TTC29: variants seen among roughly 807,000 people sequenced by gnomAD.
The protein encoded by TTC29 is tetratricopeptide repeat domain 29.
TTC29 carries 49 observed loss-of-function variants against 58.1 expected under a neutral mutation model. That is an observed-to-expected ratio of 0.84 (90% confidence interval 0.67 to 1.07). The LOEUF is 1.07. TTC29 is among the 50% of genes least tolerant of loss of function. The pLI, the probability that TTC29 is intolerant of heterozygous loss-of-function variation, is 0.00. For missense variants in TTC29, 582 were observed against 555.6 expected, an observed-to-expected ratio of 1.05 and a Z score of -0.48; for synonymous variants, 209 against 196.8, an observed-to-expected ratio of 1.06 and a Z score of -0.52.
intron 11 of TTC29, among the ~76,000 whole-genome samples, chr4:146,721,622 T>C (rs1186441652): frequency 1.3e-5 from 2 of 152,150 alleles, no homozygotes; most frequent in Non-Finnish European, 2.9e-5. Flanking sequence ...CCGTTAGATG[T>C]CTACTGAAAG....
intron 8 of TTC29, among the ~76,000 whole-genome samples, chr4:146,864,412 AAAAT>A (rs1178201589): frequency 1.3e-5 from 2 of 152,218 alleles, no homozygotes; most frequent in African/African-American, 4.8e-5. Context: ...AAAAAATAAA[AAAAT>A]AATAATTATT....
Position 146,820,122 on chromosome 4 carries a change from C to T in TTC29, c.1101+3G>A. ...TCTATAAACAAGAAACACATAGACT[C>T]ACTTTTTCATTGTAGATGTCCCCAA... On this transcript the variant is annotated splice_donor_region_variant and intron_variant, in intron 10 of 12. Coordinates refer to ENST00000325106, the MANE Select transcript of TTC29 (RefSeq NM_031956.4). The T allele has an allele frequency of 6.2e-7, 1 of 1,612,458 alleles. No individual in the cohort carries two copies. The highest frequency in any genetic ancestry group is 8.5e-7 in the Non-Finnish European group (1 of 1,179,724).
At chr4:146,822,197 C>G (rs546142893) in intron 9 of TTC29, among the ~76,000 whole-genome samples, 128 of 150,826 alleles carry the variant, frequency 8.5e-4, no homozygotes, top group African/African-American at 3.1e-3. Context: ...TGGTGGTTTG[C>G]TGCACCTATT....
At chr4:146,823,292 G>A (rs1002828005) in intron 9 of TTC29, among the ~76,000 whole-genome samples, 4 of 152,174 alleles carry the variant, frequency 2.6e-5, no homozygotes, top group Admixed American at 2.6e-4. Context: ...AAGGTGTAAG[G>A]AAGGGGTCAA....
chr4:146,903,303 G>C (rs981907949), intron 6 of TTC29, among the ~76,000 whole-genome samples: 5 of 152,046 alleles, frequency 3.3e-5, no homozygotes, highest in African/African-American at 1.2e-4. Context: ...ATGTTACCGG[G>C]TGGGAACTGT....
chr4:146,728,838 CATAT>C lies in TTC29; in HGVS notation c.1331-21291_1331-21288del, dbSNP rs1466068204. Among the ~76,000 whole-genome samples the C allele has an allele frequency of 6.7e-5, 6 of 89,218 alleles. 1 individual carries two copies. Among genetic ancestry groups the C allele is most frequent in the African/African-American group, 2.5e-4 (6 of 23,874 alleles). The allele number at this position is 89,218 out of a possible 152,430, so 58.5% of individuals were successfully genotyped here. Reference sequence around the variant, plus strand: ...ATGTGTATATATACATATATATACACATATATATGTATATATATACACATATATA... The same window carrying C: ...ATGTGTATATATACATATATATACACATATGTATATATATACACATATATA... On this transcript the variant is annotated intron_variant, in intron 11 of 12. Transcript: ENST00000325106.
intron 11 of TTC29, among the ~76,000 whole-genome samples, chr4:146,722,885 A>G (rs533755659): frequency 5.3e-5 from 8 of 152,164 alleles, no homozygotes; most frequent in South Asian, 2.1e-4. Flanking sequence ...TTTAGTAGAG[A>G]CAAGGTTTTG....
At chr4:146,922,140 TGAAA>T (rs1482246923) in intron 4 of TTC29, among the ~76,000 whole-genome samples, 2 of 151,056 alleles carry the variant, frequency 1.3e-5, no homozygotes, top group Non-Finnish European at 3.0e-5. Context: ...TATTTAGAAT[TGAAA>T]GAAAGAAGAA....
rs1732738063 is a variant in TTC29, at chr4:146,895,934, T to A, written c.586+7610A>T. ...TATTTATAAAAGTTTCTCAAAAAATTTATTTTTAAAATAAGATAGAGAAGT... is the reference window on the plus strand; with the variant it reads ...TATTTATAAAAGTTTCTCAAAAAATATATTTTTAAAATAAGATAGAGAAGT... On this transcript the variant is annotated intron_variant, in intron 6 of 12. Transcript: ENST00000325106. Among the ~76,000 whole-genome samples the A allele has an allele frequency of 2.6e-5, 4 of 152,232 alleles. 1 individual carries two copies. In the South Asian group the frequency reaches 8.3e-4, roughly 32 times the overall value.
At chr4:146,794,331 C>T (rs936583624) in intron 11 of TTC29, among the ~76,000 whole-genome samples, 1 of 152,052 alleles carries the variant, frequency 6.6e-6, no homozygotes, top group Admixed American at 6.6e-5. Flanking sequence ...TTCTTTTGCT[C>T]ACATTGTATT....
chr4:146,797,984 A>C (rs1272555789), intron 11 of TTC29, among the ~76,000 whole-genome samples: 5 of 151,528 alleles, frequency 3.3e-5, no homozygotes, highest in African/African-American at 1.2e-4. Context: ...ATTTTTTCAC[A>C]GTATTTCATT....
At chr4:146,912,599 CA>C (rs1733968207) in intron 4 of TTC29, among the ~76,000 whole-genome samples, 2 of 152,034 alleles carry the variant, frequency 1.3e-5, no homozygotes, top group Non-Finnish European at 2.9e-5. Context: ...TGGATTTTTA[CA>C]CTAGGGAGGA....
At chr4:146,709,648 A>G (rs1027723422) in intron 11 of TTC29, among the ~76,000 whole-genome samples, 1 of 152,114 alleles carries the variant, frequency 6.6e-6, no homozygotes, top group Non-Finnish European at 1.5e-5. Flanking sequence ...AACATTAAGT[A>G]GACCCTTACA....
rs754701031 is a variant in TTC29 at position 146,820,266 on chromosome 4, G to A, written c.978-18C>T. ...CTCCTTGGCTAGAATGAATGAAATA[G>A]GAAGTCAATGGAGTATCATCTCACT... On this transcript the variant is annotated intron_variant, in intron 9 of 12. Transcript: ENST00000325106. 6.2e-7 allele frequency: 1 copy of A among 1,605,834 alleles called. No homozygotes were observed. The highest frequency in any genetic ancestry group is 1.1e-5 in the South Asian group (1 of 90,510).
intron 11 of TTC29, among the ~76,000 whole-genome samples, chr4:146,793,722 T>C (rs188853897): frequency 9.6e-4 from 146 of 152,264 alleles, no homozygotes; most frequent in African/African-American, 3.3e-3. Context: ...AGGTTGGTTT[T>C]CATCTACTTA....
intron 11 of TTC29, among the ~76,000 whole-genome samples, chr4:146,754,329 A>G (rs867244251): frequency 4.5e-4 from 69 of 152,176 alleles, no homozygotes; most frequent in Middle Eastern, 3.4e-3. Context: ...CTTTTAAACA[A>G]ATAAAAGCCC....
chr4:146,743,231 C>T (rs908679821), intron 11 of TTC29, among the ~76,000 whole-genome samples: 1 of 152,024 alleles, frequency 6.6e-6, no homozygotes, highest in African/African-American at 2.4e-5. Flanking sequence ...GAATGCAATA[C>T]ATAATTAATT....
chr4:146,831,368 G>C (rs923581531), intron 9 of TTC29, among the ~76,000 whole-genome samples: 2 of 152,002 alleles, frequency 1.3e-5, no homozygotes, highest in Non-Finnish European at 2.9e-5. Flanking sequence ...CAAAGTGCTG[G>C]GATAACAAGT....
intron 11 of TTC29, among the ~76,000 whole-genome samples, chr4:146,735,777 T>A (rs1459010055): frequency 6.6e-6 from 1 of 152,164 alleles, no homozygotes; most frequent in Non-Finnish European, 1.5e-5. Flanking sequence ...ATGTTACTCT[T>A]GTAAAACTGA....
Sources: gnomAD v4.1 joint callset for allele counts (sites outside exome capture counted in the v4.1 genomes callset) on GRCh38, gnomAD v4.1.1 for gene constraint, MANE v1.5 for transcripts, NCBI Gene and HGNC (gene_info 2026-07-23, HGNC 2026-07-21) for gene names.